Variants in SLTM observed in about 807,000 individuals in gnomAD.
SLTM encodes SAFB-like transcription modulator.
SLTM carries 43 observed loss-of-function variants against 134.6 expected under a neutral mutation model. That is an observed-to-expected ratio of 0.32 (90% CI 0.25 to 0.41). The LOEUF (loss-of-function observed/expected upper bound fraction) is 0.41. Ranked by LOEUF, SLTM falls within the 10% of genes least tolerant of loss-of-function variation. The pLI is 1.00. For missense variants in SLTM, 1,055 were observed against 1,288.8 expected, an observed-to-expected ratio of 0.82 and a Z score of 2.78; for synonymous variants, 424 against 432.3, an observed-to-expected ratio of 0.98 and a Z score of 0.24.
Position 58,899,456 on chromosome 15 carries a change from T to C in SLTM, c.1058+13A>G, listed in dbSNP as rs370850060. The C allele has an allele frequency of 6.8e-6, 11 of 1,608,940 alleles. No individual in the cohort carries two copies. In the South Asian group the frequency reaches 8.8e-5, roughly 13 times the overall value. On this transcript the variant is annotated intron_variant, in intron 7 of 20. Transcript: ENST00000380516. The surrounding 1 kb of genome is among the most constrained non-coding windows in gnomAD (Gnocchi z 5.0). Reference sequence around the variant, plus strand: ...AATTCAGTATCGTAAAGAACTGACATAGAAAAACAAACCTCTTTGCTTGAC... The same window carrying C: ...AATTCAGTATCGTAAAGAACTGACACAGAAAAACAAACCTCTTTGCTTGAC...
At chr15:58,917,321 A>G (rs1283063830) in intron 2 of SLTM, among the ~76,000 whole-genome samples, 1 of 152,178 alleles carries the variant, frequency 6.6e-6, no homozygotes, top group Non-Finnish European at 1.5e-5. Flanking sequence ...ATACCTTTCA[A>G]TGGCATTCTA....
chr15:58,909,794 C>A (rs2036128789), intron 5 of SLTM, among the ~76,000 whole-genome samples: 1 of 152,178 alleles, frequency 6.6e-6, no homozygotes, highest in Non-Finnish European at 1.5e-5. Context: ...TTGAACACCA[C>A]CACAGGAATG....
intron 7 of SLTM, 109 bp from the exon 8 acceptor site, chr15:58,898,961 T>C: frequency 1.3e-6 from 1 of 759,488 alleles, no homozygotes; most frequent in South Asian, 1.7e-5. Flanking sequence ...TCATACAAAT[T>C]AACAATTCCA....
chr15:58,912,721 G>T, intron 4 of SLTM, 111 bp from the exon 5 acceptor site: 1 of 826,466 alleles, frequency 1.2e-6, no homozygotes, highest in Non-Finnish European at 2.0e-6. Context: ...TATAATATCT[G>T]CGATACCATG....
rs2035292084 is a variant in SLTM at position 58,899,063 on chromosome 15, A to G, written c.1059-211T>C. 2.0e-6 allele frequency: 1 copy of G among 490,072 alleles called. No homozygotes were observed. Among genetic ancestry groups the G allele is most frequent in the Middle Eastern group, 5.4e-4 (1 of 1,862 alleles). The allele number at this position is 490,072 out of a possible 1,614,324, so 30.4% of individuals were successfully genotyped here. A position where few individuals can be genotyped will look rare whatever the true frequency, so the allele number is the denominator to read the frequency against. The stretch of plus-strand genomic sequence containing the variant: ...TGCCTGAAGATCTAGATTTTCTGAC[A>G]ATTCTATTCAGTGGAAATATGGCCA... On this transcript the variant is annotated intron_variant, in intron 7 of 20. Transcript: ENST00000380516. The surrounding 1 kb of genome is among the most constrained non-coding windows in gnomAD (Gnocchi z 5.0).
intron 20 of SLTM, 121 bp from the exon 21 acceptor site, chr15:58,880,228 G>A (rs114544245): frequency 8.9e-6 from 12 of 1,351,600 alleles, no homozygotes; most frequent in South Asian, 3.2e-5. Context: ...CAACAGTCCC[G>A]TGAGGTCTGA....
At chr15:58,883,890 G>T in intron 19 of SLTM, 104 bp from the exon 20 acceptor site, 2 of 1,288,010 alleles carry the variant, frequency 1.6e-6, no homozygotes, top group South Asian at 1.3e-5. Flanking sequence ...CTGAGGTCAG[G>T]AGTTCGAGAC....
In SLTM at chr15:58,899,618, A is replaced by G; in HGVS notation, c.909T>C (p.His303=). ...CGCAGTCTTCCTTCTTACCATCTTT[A>G]TGGTTCGCATTCATCTCATAATCCT... is the stretch of plus-strand genomic sequence containing the variant. ...ESKDYEMNAN[H]KDGKKEDCVK... Residue 303 remains histidine, a synonymous_variant, in exon 7 of 21, where the codon CAT becomes CAC. Transcript: ENST00000380516. The surrounding 1 kb of genome is among the most constrained non-coding windows in gnomAD (Gnocchi z 5.0). 1 of 1,614,018 alleles carries G rather than the reference A, an allele frequency of 6.2e-7. No homozygotes were observed. Among genetic ancestry groups the G allele is most frequent in the African/African-American group, 1.3e-5 (1 of 74,984 alleles).
rs2038064534 is a variant in SLTM, at chr15:58,933,627, A to C, written c.-62T>G. Reference sequence around the variant, plus strand: ...GCTGCAGGGCGGCGGCAGCAGCGCCAACTTCCACCCAGGCCTCGGCGGCCG... The same window carrying C: ...GCTGCAGGGCGGCGGCAGCAGCGCCCACTTCCACCCAGGCCTCGGCGGCCG... On this transcript the variant is annotated 5_prime_UTR_variant, in exon 1 of 21. Transcript: ENST00000380516. The C allele has an allele frequency of 1.4e-6, 2 of 1,459,044 alleles. No individual in the cohort carries two copies. Among genetic ancestry groups the C allele is most frequent in the Non-Finnish European group, 1.8e-6 (2 of 1,106,040 alleles). 90.4% of individuals were successfully genotyped at this position (1,459,044 alleles called of 1,614,324 possible). A position where few individuals can be genotyped will look rare whatever the true frequency, so the allele number is the denominator to read the frequency against.
intron 9 of SLTM, 62 bp from the exon 10 acceptor site, chr15:58,894,644 T>C (rs2034929517): frequency 6.9e-7 from 1 of 1,445,450 alleles, no homozygotes. Context: ...GACTTCTAAA[T>C]ACATGAAACT....
rs1161318982 is a variant in SLTM, at chr15:58,901,327, A to G, written c.562-40T>C. 4 of 1,524,648 alleles carry G rather than the reference A, an allele frequency of 2.6e-6. No homozygotes were observed. In the African/African-American group the frequency reaches 5.5e-5, roughly 21 times the overall value. The allele number at this position is 1,524,648 out of a possible 1,614,324, so 94.4% of individuals were successfully genotyped here. A position where few individuals can be genotyped will look rare whatever the true frequency, so the allele number is the denominator to read the frequency against. On this transcript the variant is annotated intron_variant, in intron 5 of 20. Coordinates refer to ENST00000380516, the MANE Select transcript of SLTM (RefSeq NM_024755.4). ...ATAATCAAATGTAAAATGAATTCACATAAAACTAGATTTTAGTAATAGTAC... is the reference window on the plus strand; with the variant it reads ...ATAATCAAATGTAAAATGAATTCACGTAAAACTAGATTTTAGTAATAGTAC...
At chr15:58,913,758 C>T (rs760004992) in intron 3 of SLTM, 62 bp from the exon 4 acceptor site, 85 of 1,335,556 alleles carry the variant, frequency 6.4e-5, no homozygotes, top group South Asian at 8.9e-5. Flanking sequence ...ATCCACCAAA[C>T]GTTTTTGGTA....
At chr15:58,925,767 C>T (rs753866918) in intron 2 of SLTM, among the ~76,000 whole-genome samples, 3 of 152,044 alleles carry the variant, frequency 2.0e-5, no homozygotes, top group African/African-American at 7.2e-5. Flanking sequence ...TAAACAATTC[C>T]GGCACACTCC....
chr15:58,900,047 T>G, intron 6 of SLTM, 110 bp from the exon 7 acceptor site: 3 of 753,124 alleles, frequency 4.0e-6, no homozygotes, highest in Non-Finnish European at 2.0e-6. Flanking sequence ...TTAGCACTGA[T>G]GGAAGTTAGG....
rs1413093380 is a variant in SLTM at position 58,921,827 on chromosome 15, G to A, written c.251-4828C>T. On this transcript the variant is annotated intron_variant, in intron 2 of 20. Coordinates refer to ENST00000380516, the MANE Select transcript of SLTM (RefSeq NM_024755.4). ...CTCTTACTCTGTCATGCAGGCTGAA[G>A]TGTAGTGGCATGATCTCAACTCACT... Among the ~76,000 whole-genome samples the A allele has an allele frequency of 2.0e-5, 3 of 152,148 alleles. No individual in the cohort carries two copies. The East Asian group carries it at 5.8e-4, about 29-fold the overall frequency.
chr15:58,898,094 C>G (rs1403299746), intron 8 of SLTM: 1 of 152,048 alleles, frequency 6.6e-6, no homozygotes, highest in Non-Finnish European at 1.5e-5. Flanking sequence ...CAAGACCAAC[C>G]AATTCATAAA....
At chr15:58,922,636 ATAT>A (rs1248455628) in intron 2 of SLTM, among the ~76,000 whole-genome samples, 1 of 147,166 alleles carries the variant, frequency 6.8e-6, no homozygotes, top group African/African-American at 2.5e-5. Context: ...TATAAAATAT[ATAT>A]TATATATTAT....
intron 2 of SLTM, among the ~76,000 whole-genome samples, chr15:58,931,012 C>T (rs1393520570): frequency 6.6e-6 from 1 of 152,102 alleles, no homozygotes; most frequent in East Asian, 1.9e-4. Flanking sequence ...CAAACTAGCA[C>T]AGCATGCTAG....
rs367903045 is a variant in SLTM, at chr15:58,923,939, T to C, written c.251-6940A>G. Among the ~76,000 whole-genome samples, 15 of 150,982 alleles carry C rather than the reference T, an allele frequency of 9.9e-5. No homozygotes were observed. The East Asian group carries it at 2.0e-3, about 20-fold the overall frequency. ...AAGCAATTCTCCTGACTCAGCCTCCTGAGTAGCTGGGATTATAGCCTCATG... is the reference window on the plus strand; with the variant it reads ...AAGCAATTCTCCTGACTCAGCCTCCCGAGTAGCTGGGATTATAGCCTCATG... On this transcript the variant is annotated intron_variant, in intron 2 of 20. Coordinates refer to ENST00000380516, the MANE Select transcript of SLTM (RefSeq NM_024755.4).
Sources: allele counts gnomAD v4.1 joint callset (sites outside exome capture counted in the v4.1 genomes callset), GRCh38; gene constraint gnomAD v4.1.1; non-coding constraint Gnocchi (gnomAD v3.1); transcripts MANE v1.5; gene names NCBI Gene and HGNC (gene_info 2026-07-23, HGNC 2026-07-21).